PCDHGA7: variants seen among roughly 807,000 people sequenced by gnomAD.
PCDHGA7 encodes the protein protocadherin gamma subfamily A, 7.
Under a neutral mutation model 58.3 loss-of-function variants are expected in PCDHGA7, and 44 were observed. The observed-to-expected ratio is 0.75, with a 90% confidence interval of 0.59 to 0.97. The LOEUF (loss-of-function observed/expected upper bound fraction) is 0.97. PCDHGA7 is among the 50% of genes least tolerant of loss of function. The pLI is 0.00. For synonymous variants in PCDHGA7, 516 were observed against 504.2 expected (o/e 1.02, Z -0.31); for missense variants, 1,266 against 1,188.7 (o/e 1.06, Z -0.96).
In PCDHGA7 at chr5:141,431,827, TC is replaced by T. The variant is rs571306928; in HGVS notation, c.2424+46507del. 1.2e-3 allele frequency: 2,007 copies of T among 1,614,226 alleles called. No individual in the cohort carries two copies. The highest frequency in any genetic ancestry group is 1.5e-3 in the Non-Finnish European group (1,827 of 1,180,024). On this transcript the variant is annotated intron_variant, in intron 1 of 3. Coordinates refer to ENST00000518325, the MANE Select transcript of PCDHGA7 (RefSeq NM_018920.4). This position sits in a 1 kb window ranked among gnomAD's most constrained non-coding sequence, Gnocchi z 4.8. ...TCCTCACCTCTCTCGCCAGCTCGGT[TC>T]CCGAAAACTCTCCCAGAGGGACATT...
intron 1 of PCDHGA7, chr5:141,412,359 A>G (rs2095550851): frequency 6.6e-6 from 1 of 152,226 alleles, no homozygotes; most frequent in Non-Finnish European, 1.5e-5. Flanking sequence ...GTTTGTGATT[A>G]CCTGCTTAAT....
chr5:141,407,847 T>C (rs1236964962), intron 1 of PCDHGA7, among the ~76,000 whole-genome samples: 2 of 152,224 alleles, frequency 1.3e-5, no homozygotes, highest in African/African-American at 4.8e-5. Context: ...TTGAGGGGGA[T>C]GTACACCTGC....
intron 1 of PCDHGA7, chr5:141,412,079 T>C (rs148830663): frequency 3.3e-4 from 50 of 152,342 alleles, no homozygotes; most frequent in African/African-American, 1.1e-3. Context: ...GAACAATTGC[T>C]ACTGGGTTGA....
chr5:141,404,298 C>A, intron 1 of PCDHGA7: 3 of 1,613,868 alleles, frequency 1.9e-6, no homozygotes, highest in Non-Finnish European at 2.5e-6. Flanking sequence ...AATGATAATC[C>A]ACCTGCTTTC....
chr5:141,418,542 T>A (rs1260030087), intron 1 of PCDHGA7: 1 of 1,614,028 alleles, frequency 6.2e-7, no homozygotes, highest in South Asian at 1.1e-5. Context: ...ACTGCTCAGA[T>A]AAGAATCCTG....
At chr5:141,420,160 T>G in intron 1 of PCDHGA7, 1 of 1,614,044 alleles carries the variant, frequency 6.2e-7, no homozygotes, top group Non-Finnish European at 8.5e-7. Flanking sequence ...AATTTAATTT[T>G]TTCACATCTG....
chr5:141,471,977 A>G (rs1487329441), intron 1 of PCDHGA7, among the ~76,000 whole-genome samples: 1 of 152,212 alleles, frequency 6.6e-6, no homozygotes, highest in Non-Finnish European at 1.5e-5. Context: ...ATTACTGTAT[A>G]AATTTATTAA....
Position 141,486,230 on chromosome 5 carries a change from A to C in PCDHGA7, c.2425-8577A>C. On this transcript the variant is annotated intron_variant, in intron 1 of 3. Coordinates refer to ENST00000518325, the MANE Select transcript of PCDHGA7 (RefSeq NM_018920.4). The surrounding 1 kb of genome is among the most constrained non-coding windows in gnomAD (Gnocchi z 5.0). ...TGACAATGCCCCTTACATCACAGTGACCTCAGAGCTTGGAACCCTCCCCGA... is the reference window on the plus strand; with the variant it reads ...TGACAATGCCCCTTACATCACAGTGCCCTCAGAGCTTGGAACCCTCCCCGA... The C allele has an allele frequency of 6.2e-7, 1 of 1,614,016 alleles. No individual in the cohort carries two copies. Among genetic ancestry groups the C allele is most frequent in the Non-Finnish European group, 8.5e-7 (1 of 1,179,964 alleles).
chr5:141,484,959 C>A, intron 1 of PCDHGA7: 2 of 575,576 alleles, frequency 3.5e-6, no homozygotes, highest in Non-Finnish European at 6.2e-6. Flanking sequence ...ATTGGCTGAG[C>A]CCGGGAGCCG....
At chr5:141,443,704 C>T (rs894128704) in intron 1 of PCDHGA7, among the ~76,000 whole-genome samples, 6 of 152,102 alleles carry the variant, frequency 3.9e-5, no homozygotes, top group Non-Finnish European at 7.4e-5. Flanking sequence ...TATAGAATAA[C>T]ATTTGCATAT....
rs765754054 is a variant in PCDHGA7 at position 141,503,598 on chromosome 5, CA to C, written c.2484-1779del. Among the ~76,000 whole-genome samples, 277 of 65,728 alleles carry C rather than the reference CA, an allele frequency of 4.2e-3. 2 individuals are homozygous for C. The highest frequency in any genetic ancestry group is 0.012 in the Middle Eastern group (1 of 86). The allele number at this position is 65,728 out of a possible 152,430, so 43.1% of individuals were successfully genotyped here. A position where few individuals can be genotyped will look rare whatever the true frequency, so the allele number is the denominator to read the frequency against. ...TGGGTGACAGAGCGAGACTCCAGCT[CA>C]AAAAAAAAAAAAAAAGAAAAAAGAA... On this transcript the variant is annotated intron_variant, in intron 2 of 3. Coordinates refer to ENST00000518325, the MANE Select transcript of PCDHGA7 (RefSeq NM_018920.4).
At chr5:141,470,236 T>C (rs1232874196) in intron 1 of PCDHGA7, among the ~76,000 whole-genome samples, 1 of 152,210 alleles carries the variant, frequency 6.6e-6, no homozygotes, top group African/African-American at 2.4e-5. Context: ...ACCAAACCCT[T>C]GAATGTCCCA....
intron 1 of PCDHGA7, 148 bp from the exon 2 acceptor site, chr5:141,494,659 T>C (rs749872848): frequency 2.3e-4 from 343 of 1,488,556 alleles, no homozygotes; most frequent in Non-Finnish European, 2.9e-4. Flanking sequence ...ATTTTGTCTT[T>C]GGAGATGAGT....
chr5:141,463,886 C>T (rs1327677210), intron 1 of PCDHGA7, among the ~76,000 whole-genome samples: 3 of 152,118 alleles, frequency 2.0e-5, no homozygotes, highest in African/African-American at 4.8e-5. Flanking sequence ...AAAGTTTTCA[C>T]CTTGCTTTTT....
intron 1 of PCDHGA7, chr5:141,393,825 G>C: frequency 6.2e-7 from 1 of 1,613,964 alleles, no homozygotes; most frequent in Non-Finnish European, 8.5e-7. Flanking sequence ...CATTTCGGTG[G>C]AAGATGTAAA....
chr5:141,395,542 TTGTGTG>T (rs55729045), intron 1 of PCDHGA7: 20,097 of 170,756 alleles, frequency 0.12, 1,101 homozygotes, highest in Admixed American at 0.15. Context: ...TTGCTATTGT[TTGTGTG>T]TGTGTGTGTG....
chr5:141,438,789 G>C (rs970735448), intron 1 of PCDHGA7, among the ~76,000 whole-genome samples: 23 of 149,578 alleles, frequency 1.5e-4, no homozygotes, highest in African/African-American at 5.4e-4. Flanking sequence ...AGCCTCTCCA[G>C]TAGCTGGGAT....
rs2099385215 is a variant in PCDHGA7 at position 141,476,099 on chromosome 5, G to A, written c.2425-18708G>A. On this transcript the variant is annotated intron_variant, in intron 1 of 3. Coordinates refer to ENST00000518325, the MANE Select transcript of PCDHGA7 (RefSeq NM_018920.4). This position sits in a 1 kb window ranked among gnomAD's most constrained non-coding sequence, Gnocchi z 7.6. ...GGGACGATCTGGACCCCGCTGAGAGGAACTGCTTTTGAGTGAGATGGTCCC... is the reference window on the plus strand; with the variant it reads ...GGGACGATCTGGACCCCGCTGAGAGAAACTGCTTTTGAGTGAGATGGTCCC... 1 of 1,574,916 alleles carries A rather than the reference G, an allele frequency of 6.3e-7. No individual in the cohort carries two copies.
In PCDHGA7 at chr5:141,418,448, C is replaced by T. The variant is rs1240295197; in HGVS notation, c.2424+33125C>T. On this transcript the variant is annotated intron_variant, in intron 1 of 3. Transcript: ENST00000518325. ...TGGCAAATATCCAGAATTAGTATTG[C>T]AGAAGACTCTGGACCGAGAAACGCA... 1.9e-6 allele frequency: 3 copies of T among 1,613,850 alleles called. No homozygotes were observed. The African/African-American group carries it at 4.0e-5, about 22-fold the overall frequency.
Sources: allele counts gnomAD v4.1 joint callset (sites outside exome capture counted in the v4.1 genomes callset), GRCh38; gene constraint gnomAD v4.1.1; non-coding constraint Gnocchi (gnomAD v3.1); transcripts MANE v1.5; gene names NCBI Gene and HGNC (gene_info 2026-07-23, HGNC 2026-07-21).